TMEM230: variants seen among roughly 807,000 people sequenced by gnomAD.
The protein encoded by TMEM230 is UPF0414 transmembrane protein C20orf30.
Under a neutral mutation model 15.8 loss-of-function variants are expected in TMEM230, and 10 were observed. That is an observed-to-expected ratio of 0.63 (90% CI 0.39 to 1.07). The LOEUF (loss-of-function observed/expected upper bound fraction) is 1.07. Among genes scored for constraint, TMEM230 ranks in the 50% least tolerant of loss-of-function variants. The pLI, the probability that TMEM230 is intolerant of heterozygous loss-of-function variation, is 0.01. For missense variants in TMEM230, 165 were observed against 193.3 expected (o/e 0.85, Z 0.87); for synonymous variants, 67 against 76.9 (o/e 0.87, Z 0.68).
At position 5,109,448 on chromosome 20, in the gene TMEM230, A is replaced by G. The variant is rs2122823644; in HGVS notation, c.175-3T>C. ...GGCATCATAACACGCTGACACAGCTACAGTTTAAAAACAAAAAACCCGTTA... is the reference window on the plus strand; with the variant it reads ...GGCATCATAACACGCTGACACAGCTGCAGTTTAAAAACAAAAAACCCGTTA... On this transcript the variant is annotated splice_region_variant and splice_polypyrimidine_tract_variant and intron_variant, in intron 2 of 4. Transcript: ENST00000342308. 6.2e-7 allele frequency: 1 copy of G among 1,612,120 alleles called. No individual in the cohort carries two copies. The highest frequency in any genetic ancestry group is 2.2e-5 in the East Asian group (1 of 44,878).
chr20:5,087,814 G>A (rs536395940), intron 3 of TMEM230, among the ~76,000 whole-genome samples: 2 of 148,176 alleles, frequency 1.3e-5, no homozygotes, highest in Admixed American at 6.7e-5. Flanking sequence ...AGAGGCATTC[G>A]GTGGAGTAGC....
intron 3 of TMEM230, among the ~76,000 whole-genome samples, chr20:5,082,456 T>C (rs2089210059): frequency 1.3e-5 from 2 of 152,094 alleles, no homozygotes; most frequent in Non-Finnish European, 2.9e-5. Flanking sequence ...TTTTTGTTTG[T>C]TTTGAGACAG....
Position 5,106,078 on chromosome 20 carries a change from AACACACACACACACACACACACACAC to A in TMEM230, c.411+84_411+109del, listed in dbSNP as rs61087830. The A allele has an allele frequency of 4.2e-5, 23 of 551,086 alleles. No homozygotes were observed. In the Admixed American group the frequency reaches 5.6e-4, roughly 13 times the overall value. 34.1% of individuals were successfully genotyped at this position (551,086 alleles called of 1,614,324 possible). On this transcript the variant is annotated intron_variant, in intron 4 of 4. Coordinates refer to ENST00000342308, the MANE Select transcript of TMEM230 (RefSeq NM_001009923.2). ...AAAAAACAGACCACTGGGACGGACA[AACACACACACACACACACACACACAC>A]ACACACACACACACACGCACACTAG...
chr20:5,087,879 G>A (rs1397669537), intron 3 of TMEM230, among the ~76,000 whole-genome samples: 2 of 149,454 alleles, frequency 1.3e-5, no homozygotes, highest in African/African-American at 4.9e-5. Flanking sequence ...TTGTAGTAGA[G>A]ATGGGGTTTC....
intron 3 of TMEM230, among the ~76,000 whole-genome samples, chr20:5,092,414 T>C (rs1404180252): frequency 6.6e-6 from 1 of 152,078 alleles, no homozygotes; most frequent in Non-Finnish European, 1.5e-5. Context: ...GTAAATGTAA[T>C]ACACACGTTA....
intron 3 of TMEM230, among the ~76,000 whole-genome samples, chr20:5,088,762 C>T (rs1002619748): frequency 6.6e-6 from 1 of 152,140 alleles, no homozygotes; most frequent in Non-Finnish European, 1.5e-5. Context: ...GATCCTCCCA[C>T]CTCAGCCTCC....
At position 5,084,621 on chromosome 20, in the gene TMEM230, G is replaced by A. The variant is rs201496679; in HGVS notation, c.223-15272C>T. Among the ~76,000 whole-genome samples the A allele has an allele frequency of 3.3e-5, 5 of 152,084 alleles. No individual in the cohort carries two copies. The East Asian group carries it at 9.7e-4, about 29-fold the overall frequency. ...GCAATCTCTGCTCACTGCAACCTCC[G>A]CTTCCTGGGTTCAAGCGATTCTCTC... is the stretch of plus-strand genomic sequence containing the variant. On this transcript the variant is annotated intron_variant, in intron 3 of 3. Coordinates refer to the TMEM230 transcript ENST00000612323.
At chr20:5,106,365 G>T (rs1246877373) in intron 3 of TMEM230, 55 bp from the exon 3 acceptor site, 1 of 1,535,342 alleles carries the variant, frequency 6.5e-7, no homozygotes, top group East Asian at 2.3e-5. Context: ...GCAAATACCT[G>T]GGTTCAAACA....
chr20:5,107,364 A>T (rs1379692162), intron 3 of TMEM230, among the ~76,000 whole-genome samples: 1 of 152,162 alleles, frequency 6.6e-6, no homozygotes, highest in African/African-American at 2.4e-5. Flanking sequence ...TATGTGTCTT[A>T]AGTATGTCCT....
rs1323866296 is a variant in TMEM230 at position 5,100,014 on chromosome 20, T to C, written c.*777A>G. 1.0e-6 allele frequency: 1 copy of C among 985,226 alleles called. No homozygotes were observed. Among genetic ancestry groups the C allele is most frequent in the Non-Finnish European group, 1.2e-6 (1 of 829,888 alleles). The allele number at this position is 985,226 out of a possible 1,614,324, so 61.0% of individuals were successfully genotyped here. A position where few individuals can be genotyped will look rare whatever the true frequency, so the allele number is the denominator to read the frequency against. On this transcript the variant is annotated 3_prime_UTR_variant, in exon 5 of 5. Coordinates refer to ENST00000342308, the MANE Select transcript of TMEM230 (RefSeq NM_001009923.2). ...TGGAATCATGAGCAGAATGATGACATACTACAAGGTGCTAGCAATACGGCT... is the reference window on the plus strand; with the variant it reads ...TGGAATCATGAGCAGAATGATGACACACTACAAGGTGCTAGCAATACGGCT...
chr20:5,089,954 G>T (rs1045901778), intron 3 of TMEM230, among the ~76,000 whole-genome samples: 2 of 152,020 alleles, frequency 1.3e-5, no homozygotes, highest in Non-Finnish European at 2.9e-5. Context: ...GGGGGGCGGA[G>T]GTTGCAGTGG....
At chr20:5,071,267 C>A (rs1429164208) in intron 3 of TMEM230, among the ~76,000 whole-genome samples, 1 of 152,110 alleles carries the variant, frequency 6.6e-6, no homozygotes, top group African/African-American at 2.4e-5. Context: ...AGATGCAGAA[C>A]TGGGAATGGA....
downstream of TMEM230, chr20:5,099,723 CCCAAG>C (rs2089780247): frequency 7.7e-5 from 34 of 440,152 alleles, no homozygotes; most frequent in Non-Finnish European, 9.3e-5. Context: ...CTTCCAGTTG[CCCAAG>C]TCCATAACCT....
intron 3 of TMEM230, 138 bp from the exon 3 acceptor site, chr20:5,106,448 G>A (rs1294306452): frequency 9.2e-6 from 10 of 1,081,312 alleles, no homozygotes; most frequent in South Asian, 1.7e-5. Context: ...TTGTTGCCCA[G>A]GCTAGAGAGC....
At chr20:5,111,207 T>C (rs2090303248) in intron 2 of TMEM230, 1 of 151,422 alleles carries the variant, frequency 6.6e-6, no homozygotes, top group Admixed American at 6.6e-5. Flanking sequence ...AAATTTTTTT[T>C]TTAATTTGTC....
At chr20:5,103,402 T>C (rs919869383) in intron 4 of TMEM230, among the ~76,000 whole-genome samples, 2 of 151,916 alleles carry the variant, frequency 1.3e-5, no homozygotes, top group Non-Finnish European at 2.9e-5. Flanking sequence ...AGATTGAGGT[T>C]GCAGAGAGCT....
intron 3 of TMEM230, among the ~76,000 whole-genome samples, chr20:5,074,492 A>T (rs418062): frequency 5.3e-5 from 8 of 151,634 alleles, no homozygotes; most frequent in Non-Finnish European, 8.8e-5. Flanking sequence ...ACAATTTGTC[A>T]CCCTTTGTTA....
Position 5,099,913 on chromosome 20 carries a change from A to G in TMEM230, c.*878T>C, listed in dbSNP as rs2089786325. ...TTCAACATTTTAATTTCTTTGGAAT[A>G]TAAGTCACTTTTTGCAAGCTAAAAA... On this transcript the variant is annotated 3_prime_UTR_variant, in exon 5 of 5. Coordinates refer to ENST00000342308, the MANE Select transcript of TMEM230 (RefSeq NM_001009923.2). 3 of 984,292 alleles carry G rather than the reference A, an allele frequency of 3.0e-6. No individual in the cohort carries two copies. The highest frequency in any genetic ancestry group is 3.6e-6 in the Non-Finnish European group (3 of 828,872). 61.0% of individuals were successfully genotyped at this position (984,292 alleles called of 1,614,324 possible).
intron 4 of TMEM230, among the ~76,000 whole-genome samples, chr20:5,101,887 T>A (rs1015429764): frequency 6.6e-6 from 1 of 152,224 alleles, no homozygotes; most frequent in African/African-American, 2.4e-5. Context: ...AAACCTACTG[T>A]AAGAAGGAAC....
Sources: allele counts gnomAD v4.1 joint callset (sites outside exome capture counted in the v4.1 genomes callset), GRCh38; gene constraint gnomAD v4.1.1; transcripts MANE v1.5; gene names NCBI Gene and HGNC (gene_info 2026-07-23, HGNC 2026-07-21).